Variants in AAGAB observed in about 807,000 individuals in gnomAD.
AAGAB encodes alpha and gamma adaptin binding protein.
AAGAB carries 38 observed loss-of-function variants against 44.1 expected under a neutral mutation model. The ratio of observed to expected loss-of-function variants is 0.86; its 90% CI spans 0.67 to 1.13. The LOEUF (loss-of-function observed/expected upper bound fraction) is 1.13. AAGAB is among the 50% of genes most tolerant of loss of function. AAGAB has a pLI of 0.00. For synonymous variants in AAGAB, 131 were observed against 131.8 expected, an observed-to-expected ratio of 0.99 and a Z score of 0.04; for missense variants, 450 against 373.8, an observed-to-expected ratio of 1.20 and a Z score of -1.68.
At chr15:67,219,670 G>A (rs955197226) in intron 5 of AAGAB, among the ~76,000 whole-genome samples, 4 of 151,994 alleles carry the variant, frequency 2.6e-5, no homozygotes, top group Non-Finnish European at 5.9e-5. Context: ...GGGAGGGAGG[G>A]GGGCAAGGAT....
At chr15:67,228,909 A>T (rs911781130) in intron 5 of AAGAB, among the ~76,000 whole-genome samples, 1 of 152,174 alleles carries the variant, frequency 6.6e-6, no homozygotes, top group South Asian at 2.1e-4. Context: ...GCTCCCACTT[A>T]TAAGTGGGAG....
At chr15:67,210,282 C>T (rs912720443) in intron 5 of AAGAB, among the ~76,000 whole-genome samples, 54 of 152,132 alleles carry the variant, frequency 3.5e-4, no homozygotes, top group Admixed American at 1.7e-3. Context: ...TTTGGGAGGC[C>T]GAGGCCGGCG....
intron 5 of AAGAB, among the ~76,000 whole-genome samples, chr15:67,218,430 A>C (rs72745406): frequency 0.063 from 9,281 of 146,874 alleles, 399 homozygotes; most frequent in Non-Finnish European, 0.093. Context: ...AACAGTGACA[A>C]CCTAGCCTGA....
At chr15:67,239,121 T>C (rs777800248) in intron 1 of AAGAB, among the ~76,000 whole-genome samples, 2 of 152,182 alleles carry the variant, frequency 1.3e-5, no homozygotes, top group Non-Finnish European at 2.9e-5. Flanking sequence ...GGGACTAATA[T>C]TCCTGTCATT....
intron 5 of AAGAB, among the ~76,000 whole-genome samples, chr15:67,210,650 T>C (rs570006915): frequency 6.6e-6 from 1 of 152,334 alleles, no homozygotes; most frequent in Admixed American, 6.5e-5. Flanking sequence ...CTGTTCAAAG[T>C]ATAAGGGCCA....
At chr15:67,206,972 G>A (rs1156344127) in intron 7 of AAGAB, among the ~76,000 whole-genome samples, 1 of 152,058 alleles carries the variant, frequency 6.6e-6, no homozygotes, top group Non-Finnish European at 1.5e-5. Context: ...ACCTGAGGTC[G>A]GGAGTTTGAG....
chr15:67,230,119 TG>T (rs1328424431), intron 5 of AAGAB, among the ~76,000 whole-genome samples: 3 of 152,152 alleles, frequency 2.0e-5, no homozygotes, highest in African/African-American at 7.2e-5. Context: ...CCCAAAGTGC[TG>T]GGATTACAGG....
chr15:67,250,466 C>G (rs189653157), intron 1 of AAGAB, among the ~76,000 whole-genome samples: 294 of 152,280 alleles, frequency 1.9e-3, no homozygotes, highest in African/African-American at 6.7e-3. Flanking sequence ...CGTGAGCCAC[C>G]ATGCCTGGCA....
intron 5 of AAGAB, among the ~76,000 whole-genome samples, chr15:67,220,709 T>C (rs1832041767): frequency 6.6e-6 from 1 of 152,218 alleles, no homozygotes; most frequent in Non-Finnish European, 1.5e-5. Context: ...GTAGAGGACC[T>C]AGTAAAAATA....
chr15:67,222,879 C>G (rs1964115953), intron 5 of AAGAB, among the ~76,000 whole-genome samples: 1 of 152,128 alleles, frequency 6.6e-6, no homozygotes, highest in Non-Finnish European at 1.5e-5. Context: ...GTTTTATAAT[C>G]ACTATCTTCA....
At chr15:67,231,303 C>A (rs1011626900) in intron 5 of AAGAB, among the ~76,000 whole-genome samples, 1 of 152,190 alleles carries the variant, frequency 6.6e-6, no homozygotes, top group African/African-American at 2.4e-5. Flanking sequence ...TTGCCGTTCT[C>A]CCCTTTCATT....
At chr15:67,253,253 C>T (rs1333910586) in intron 1 of AAGAB, among the ~76,000 whole-genome samples, 2 of 56,542 alleles carry the variant, frequency 3.5e-5, no homozygotes, top group Admixed American at 1.7e-4. Flanking sequence ...GGCCAAACCC[C>T]GTATGACGGG....
At chr15:67,230,669 A>G (rs1029045764) in intron 5 of AAGAB, among the ~76,000 whole-genome samples, 3 of 152,142 alleles carry the variant, frequency 2.0e-5, no homozygotes, top group African/African-American at 7.2e-5. Context: ...GGTTTGTGGT[A>G]CTTTGTTACC....
chr15:67,238,836 C>T (rs1187497789), intron 1 of AAGAB, among the ~76,000 whole-genome samples: 1 of 152,110 alleles, frequency 6.6e-6, no homozygotes, highest in African/African-American at 2.4e-5. Flanking sequence ...GCTGGGACTA[C>T]AGGCACCCGC....
At position 67,254,592 on chromosome 15, in the gene AAGAB, A is replaced by T; in HGVS notation, c.40T>A (p.Ser14Thr). 1 of 1,609,866 alleles carries T rather than the reference A, an allele frequency of 6.2e-7. No individual in the cohort carries two copies. Among genetic ancestry groups the T allele is most frequent in the Non-Finnish European group, 8.5e-7 (1 of 1,179,106 alleles). Residue 14 changes from serine to threonine, a missense_variant, in exon 1 of 10, where the codon TCC (serine) becomes ACC (threonine). Ser to Thr is a moderately conservative substitution (Grantham distance 58). Coordinates refer to ENST00000261880, the MANE Select transcript of AAGAB (RefSeq NM_024666.5). ...GVPCALVTSCSSVFSGDQLVQ... is the reference protein window; with the variant it reads ...GVPCALVTSCTSVFSGDQLVQ... ...AGCTGGTCTCCTGAGAAGACGGAGG[A>T]GCAGCTGGTGACTAACGCACAGGGT... is the stretch of plus-strand genomic sequence containing the variant.
In AAGAB at chr15:67,208,508, T is replaced by G. The variant is rs569290502; in HGVS notation, c.715+54A>C. 71 of 1,505,850 alleles carry G rather than the reference T, an allele frequency of 4.7e-5. No individual in the cohort carries two copies. The African/African-American group carries it at 8.8e-4, about 19-fold the overall frequency. The allele number at this position is 1,505,850 out of a possible 1,614,324, so 93.3% of individuals were successfully genotyped here. A position where few individuals can be genotyped will look rare whatever the true frequency, so the allele number is the denominator to read the frequency against. On this transcript the variant is annotated intron_variant, in intron 7 of 9. Coordinates refer to ENST00000261880, the MANE Select transcript of AAGAB (RefSeq NM_024666.5). ...TCCCCCTCAACAATTTCTGCCCAGA[T>G]ACCTATTCCAAGTTGCACAAAGCTC...
rs778740230 is a variant in AAGAB at position 67,209,506 on chromosome 15, C to T, written c.574G>A (p.Gly192Arg). The change falls in exon 6 of 10, where the codon GGA becomes AGA. Residue 192 changes from glycine (G) to arginine (R), a missense_variant. By Grantham distance (125) the Gly-to-Arg change is moderately radical (BLOSUM62 -2). Transcript: ENST00000261880. The stretch of plus-strand genomic sequence containing the variant: ...GCTGACCCAATGCTATGGTTTGTTC[C>T]AGTCAATGAGTTGAGAAGGCTAAAG... Reference protein sequence around the residue: ...QGFSLLNSLTGTNHSIGSADP... With the variant: ...QGFSLLNSLTRTNHSIGSADP... 1 of 1,614,148 alleles carries T rather than the reference C, an allele frequency of 6.2e-7. No homozygotes were observed. The highest frequency in any genetic ancestry group is 1.1e-5 in the South Asian group (1 of 91,084).
chr15:67,233,997 C>G (rs1157164137), intron 4 of AAGAB, among the ~76,000 whole-genome samples: 1 of 151,518 alleles, frequency 6.6e-6, no homozygotes, highest in Non-Finnish European at 1.5e-5. Flanking sequence ...AATCCCAGCA[C>G]TTTGGGAGGC....
At chr15:67,216,151 G>T (rs914481853) in intron 5 of AAGAB, among the ~76,000 whole-genome samples, 1 of 151,708 alleles carries the variant, frequency 6.6e-6, no homozygotes, top group Non-Finnish European at 1.5e-5. Context: ...AAAGTATAAA[G>T]AAGAAAATTA....
Sources: gnomAD v4.1 joint callset for allele counts (sites outside exome capture counted in the v4.1 genomes callset) on GRCh38, gnomAD v4.1.1 for gene constraint, MANE v1.5 for transcripts, NCBI Gene and HGNC (gene_info 2026-07-23, HGNC 2026-07-21) for gene names.